WDPCP: variants seen among roughly 807,000 people sequenced by gnomAD.
WDPCP encodes WD repeat containing planar cell polarity effector.
Under a neutral mutation model 93.1 loss-of-function variants are expected in WDPCP, and 71 were observed. The ratio of observed to expected loss-of-function variants is 0.76; its 90% CI spans 0.63 to 0.93. The LOEUF is 0.93. Among genes scored for constraint, WDPCP ranks in the 40% least tolerant of loss-of-function variants. The pLI, the probability that WDPCP is intolerant of heterozygous loss-of-function variation, is 0.00. For synonymous variants in WDPCP, 315 were observed against 315.0 expected, an observed-to-expected ratio of 1.00 and a Z score of 0.00; for missense variants, 844 against 887.4, an observed-to-expected ratio of 0.95 and a Z score of 0.62.
At chr2:63,660,322 G>T (rs1558877899) in intron 2 of WDPCP, among the ~76,000 whole-genome samples, 3 of 152,100 alleles carry the variant, frequency 2.0e-5, no homozygotes. Context: ...AAATCAAAGA[G>T]AAAGAAAAAA....
At chr2:63,161,732 GT>G (rs1427305493) in intron 15 of WDPCP, among the ~76,000 whole-genome samples, 3 of 150,882 alleles carry the variant, frequency 2.0e-5, no homozygotes, top group Non-Finnish European at 3.0e-5. Context: ...TAAAATATAT[GT>G]TGTAATTTCA....
At chr2:63,373,620 A>T (rs1575261222) in intron 12 of WDPCP, among the ~76,000 whole-genome samples, 1 of 150,982 alleles carries the variant, frequency 6.6e-6, no homozygotes, top group East Asian at 1.9e-4. Context: ...TCTGTTTTAC[A>T]TTAACAATGA....
chr2:63,518,985 T>A (rs1165174565), intron 1 of WDPCP: 1 of 148,424 alleles, frequency 6.7e-6, no homozygotes, highest in African/African-American at 2.5e-5. Context: ...AAACCTCACC[T>A]CCCATTCACT....
At chr2:63,266,128 T>G (rs1682094422) in intron 13 of WDPCP, among the ~76,000 whole-genome samples, 1 of 152,196 alleles carries the variant, frequency 6.6e-6, no homozygotes, top group Non-Finnish European at 1.5e-5. Context: ...ATCACTTCTA[T>G]TCAACACAGC....
At chr2:63,837,750 T>C in the WDPCP span, among the ~76,000 whole-genome samples, 1 of 152,250 alleles carries the variant, frequency 6.6e-6, no homozygotes, top group Non-Finnish European at 1.5e-5. Context: ...TGGAAATAAC[T>C]GAAACTTAAA....
At chr2:63,605,773 C>A in intron 3 of WDPCP, 1 of 641,994 alleles carries the variant, frequency 1.6e-6, no homozygotes, top group South Asian at 1.9e-5. Flanking sequence ...GAAATAATAT[C>A]CATGAAAGTT....
chr2:63,492,799 AT>A (rs1399079160), intron 2 of WDPCP, 56 bp downstream of exon 2: 1 of 1,504,372 alleles, frequency 6.6e-7, no homozygotes, highest in African/African-American at 1.4e-5. Flanking sequence ...GCTAGTACTT[AT>A]TTATAATGGT....
At chr2:63,447,831 G>A (rs951971394) in intron 6 of WDPCP, among the ~76,000 whole-genome samples, 5 of 152,010 alleles carry the variant, frequency 3.3e-5, no homozygotes, top group African/African-American at 1.2e-4. Flanking sequence ...ATTTTTAAAT[G>A]TGTGTATACA....
chr2:63,421,590 C>T (rs1453573141), intron 9 of WDPCP, among the ~76,000 whole-genome samples: 15 of 152,160 alleles, frequency 9.9e-5, no homozygotes, highest in Admixed American at 9.8e-4. Flanking sequence ...AGGCCTTAAG[C>T]TTTCACAAAA....
At chr2:63,206,919 G>A (rs1676386022) in intron 14 of WDPCP, among the ~76,000 whole-genome samples, 1 of 151,812 alleles carries the variant, frequency 6.6e-6, no homozygotes, top group Admixed American at 6.6e-5. Flanking sequence ...CACATTGATG[G>A]GCAACAAATT....
At chr2:63,829,135 C>T (rs1299536540), upstream of WDPCP, among the ~76,000 whole-genome samples, 1 of 152,106 alleles carries the variant, frequency 6.6e-6, no homozygotes, top group Non-Finnish European at 1.5e-5. Flanking sequence ...AATTCTACTT[C>T]CTACAGTACT....
At chr2:63,503,504 A>C (rs190267390) in intron 1 of WDPCP, among the ~76,000 whole-genome samples, 28 of 152,130 alleles carry the variant, frequency 1.8e-4, no homozygotes, top group South Asian at 1.2e-3. Flanking sequence ...AGCAAATAAT[A>C]ATCATCATCA....
chr2:63,637,532 G>A (rs980391668), intron 3 of WDPCP, among the ~76,000 whole-genome samples: 8 of 149,622 alleles, frequency 5.3e-5, no homozygotes, highest in African/African-American at 1.2e-4. Context: ...CAACTAAAAT[G>A]TATAAGGAAC....
At chr2:63,549,482 T>C (rs1351256245) in intron 1 of WDPCP, among the ~76,000 whole-genome samples, 1 of 151,948 alleles carries the variant, frequency 6.6e-6, no homozygotes, top group Non-Finnish European at 1.5e-5. Context: ...TTTAAAACTA[T>C]TCTCAGCAAA....
At chr2:63,207,479 A>C (rs1209116922) in intron 14 of WDPCP, among the ~76,000 whole-genome samples, 1 of 152,118 alleles carries the variant, frequency 6.6e-6, no homozygotes, top group Non-Finnish European at 1.5e-5. Context: ...TTCCTTAATA[A>C]ATTACCCAGT....
intron 3 of WDPCP, among the ~76,000 whole-genome samples, chr2:63,636,969 T>C (rs533944239): frequency 6.6e-6 from 1 of 152,200 alleles, no homozygotes; most frequent in Non-Finnish European, 1.5e-5. Flanking sequence ...GTAAAACTCC[T>C]AGAAGAAAAA....
chr2:63,164,092 T>C (rs1334727045), intron 15 of WDPCP, among the ~76,000 whole-genome samples: 1 of 152,228 alleles, frequency 6.6e-6, no homozygotes, highest in Non-Finnish European at 1.5e-5. Context: ...TTATTTGTTC[T>C]ACAATAAATA....
rs553778299 is a variant in WDPCP, at chr2:63,264,645, T to C, written c.1813-5236A>G. ...ATACAATAATGGTAGTAGACTTCAT[T>C]ACCCCCACTTTCAACACTGGATCAT... On this transcript the variant is annotated intron_variant, in intron 13 of 17. Transcript: ENST00000272321. Among the ~76,000 whole-genome samples the C allele has an allele frequency of 2.6e-5, 4 of 152,300 alleles. No individual in the cohort carries two copies. The South Asian group carries it at 8.3e-4, about 32-fold the overall frequency.
intron 3 of WDPCP, chr2:63,595,012 C>A (rs1709278014): frequency 3.7e-6 from 1 of 271,368 alleles, no homozygotes; most frequent in South Asian, 4.0e-5. Context: ...ACACTAAAAT[C>A]CTTTTCTAAG....
Sources: allele counts gnomAD v4.1 joint callset (sites outside exome capture counted in the v4.1 genomes callset), GRCh38; gene constraint gnomAD v4.1.1; transcripts MANE v1.5; gene names NCBI Gene and HGNC (gene_info 2026-07-23, HGNC 2026-07-21).